ZNF320: variants seen among roughly 807,000 people sequenced by gnomAD.
ZNF320 encodes zinc finger protein 320, also known as zinc finger gene 320.
ZNF320 carries 2 observed loss-of-function variants against 6.8 expected under a neutral mutation model. That is an observed-to-expected ratio of 0.29 (90% CI 0.12 to 0.93). ZNF320 has a LOEUF of 0.93. ZNF320 is among the 40% of genes least tolerant of loss of function. The pLI is 0.55. For missense variants in ZNF320, 472 were observed against 611.0 expected (o/e 0.77, Z 2.40); for synonymous variants, 208 against 203.2 (o/e 1.02, Z -0.20).
At position 52,881,512 on chromosome 19, in the gene ZNF320, G is replaced by C. The variant is rs765655954; in HGVS notation, c.614C>G (p.Ala205Gly). 5 of 1,613,916 alleles carry C rather than the reference G, an allele frequency of 3.1e-6. No homozygotes were observed. The South Asian group carries it at 5.5e-5, about 18-fold the overall frequency. The change falls in exon 6 of 6, where the codon GCA (alanine) becomes GGA (glycine). Residue 205 changes from alanine to glycine, a missense_variant. Transcript: ENST00000682928. ...TCCCCTGTGAATTCTAGTATGTTTT[G>C]CCAGGTGTGAATCATGCTTAAAAGC... is the stretch of plus-strand genomic sequence containing the variant. ...DKAFKHDSHL[A>G]KHTRIHRGDK... is the part of the protein sequence containing the mutation.
At chr19:52,860,073 C>T (rs1410500144), downstream of ZNF320, among the ~76,000 whole-genome samples, 6 of 151,974 alleles carry the variant, frequency 3.9e-5, no homozygotes, top group Admixed American at 2.0e-4. Flanking sequence ...CCACCACGCC[C>T]GGCTAATTTT....
chr19:52,865,910 CACATATATTTATATATGAT>C (rs1169489798), intron 5 of ZNF320, among the ~76,000 whole-genome samples: 6 of 78,928 alleles, frequency 7.6e-5, no homozygotes, highest in Non-Finnish European at 1.3e-4. Context: ...TATGATTATA[CACATATATTTATATATGAT>C]TATACACATA....
At chr19:52,860,606 A>G (rs905112162), downstream of ZNF320, among the ~76,000 whole-genome samples, 1 of 149,356 alleles carries the variant, frequency 6.7e-6, no homozygotes, top group Non-Finnish European at 1.5e-5. Context: ...TCAAAAAAAA[A>G]AAAAGAAAAA....
upstream of ZNF320, among the ~76,000 whole-genome samples, chr19:52,900,122 CTCTG>C (rs1319387625): frequency 2.0e-5 from 3 of 152,136 alleles, no homozygotes; most frequent in Non-Finnish European, 2.9e-5. Flanking sequence ...TTAGCATGAG[CTCTG>C]TCTATGTATC....
At position 52,880,171 on chromosome 19, in the gene ZNF320, A is replaced by G. The variant is rs2063869919; in HGVS notation, c.*425T>C. On this transcript the variant is annotated 3_prime_UTR_variant, in exon 6 of 6. Coordinates refer to ENST00000682928, the MANE Select transcript of ZNF320 (RefSeq NM_001351774.2). The stretch of plus-strand genomic sequence containing the variant: ...AGACCATCCTAGCTAACACGGTGAA[A>G]CCCAGTCTCTACTAAAAATACAAAA... The G allele has an allele frequency of 1.3e-5, 2 of 155,494 alleles. No individual in the cohort carries two copies. The highest frequency in any genetic ancestry group is 6.3e-5 in the Admixed American group (1 of 15,772). 9.6% of individuals were successfully genotyped at this position (155,494 alleles called of 1,614,324 possible). A position where few individuals can be genotyped will look rare whatever the true frequency, so the allele number is the denominator to read the frequency against.
chr19:52,899,806 C>T (rs2064565766), upstream of ZNF320, among the ~76,000 whole-genome samples: 1 of 152,158 alleles, frequency 6.6e-6, no homozygotes, highest in Non-Finnish European at 1.5e-5. Flanking sequence ...CAAGAACAGT[C>T]AAGGCTTGAC....
downstream of ZNF320, among the ~76,000 whole-genome samples, chr19:52,859,567 G>A (rs1288050627): frequency 1.3e-5 from 2 of 152,150 alleles, no homozygotes; most frequent in African/African-American, 2.4e-5. Flanking sequence ...AAATGAAGGG[G>A]GCCCGTGTTC....
chr19:52,862,658 T>G (rs2063492483), exon 6 of ZNF320: 1 of 589,478 alleles, frequency 1.7e-6, no homozygotes, highest in Non-Finnish European at 2.9e-6. Flanking sequence ...TTTGCCACAC[T>G]CATTACACTT....
intron 5 of ZNF320, among the ~76,000 whole-genome samples, chr19:52,870,387 G>A (rs2063658123): frequency 1.3e-5 from 2 of 150,490 alleles, no homozygotes; most frequent in South Asian, 2.1e-4. Context: ...GCTGAGGCAG[G>A]AGAATGGTGT....
chr19:52,890,512 G>T, intron 3 of ZNF320, 184 bp from the exon 4 acceptor site: 1 of 496,732 alleles, frequency 2.0e-6, no homozygotes, highest in Non-Finnish European at 3.5e-6. Flanking sequence ...CCACACACAC[G>T]CTGCAGCAGT....
rs923172775 is a variant in ZNF320, at chr19:52,881,875, G to T, written c.251C>A (p.Ala84Glu). 4 of 1,613,696 alleles carry T rather than the reference G, an allele frequency of 2.5e-6. No homozygotes were observed. The highest frequency in any genetic ancestry group is 1.3e-5 in the African/African-American group (1 of 74,908). The change falls in exon 6 of 6, where the codon GCA becomes GAA. Residue 84 changes from alanine (A) to glutamate (E), a missense_variant. By Grantham distance (107) the Ala-to-Glu change is moderately radical. Transcript: ENST00000682928. ...TTTCTCAATTTCCTGGGAGCAAAAT[G>T]CTCCAATGTGATAACTTGCTTGTCT... ...LQRQASYHIG[A>E]FCSQEIEKDI...
rs1292157884 is a variant in ZNF320, at chr19:52,881,048, T to C, written c.1078A>G (p.Lys360Glu). The change falls in exon 6 of 6, where the codon AAG (lysine) becomes GAG (glutamate). Residue 360 changes from lysine to glutamate, a missense_variant. Physicochemically the swap from Lys to Glu is moderately conservative, Grantham distance 56. This residue lies in a region of ZNF320 where 462 missense variants were observed against 559.7 expected (regional missense o/e 0.83). Coordinates refer to ENST00000682928, the MANE Select transcript of ZNF320 (RefSeq NM_001351774.2). ...CTCCGGAAAGCCTTGTCACAAACCT[T>C]ACATTTGTATGGTTTCTCTCCAGTA... The part of the protein sequence containing the change: ...IHTGEKPYKC[K>E]VCDKAFRSDS... 6.2e-7 allele frequency: 1 copy of C among 1,613,802 alleles called. No individual in the cohort carries two copies. Among genetic ancestry groups the C allele is most frequent in the South Asian group, 1.1e-5 (1 of 91,026 alleles).
chr19:52,865,605 G>A (rs917658909), intron 5 of ZNF320, among the ~76,000 whole-genome samples: 1,779 of 115,262 alleles, frequency 0.015, 52 homozygotes, highest in Non-Finnish European at 0.023. Flanking sequence ...ATTTATATAT[G>A]AGATTATACA....
In ZNF320 at chr19:52,879,460, A is replaced by G. The variant is rs1053021135; in HGVS notation, c.*1136T>C. On this transcript the variant is annotated 3_prime_UTR_variant, in exon 6 of 6. Transcript: ENST00000682928. ...AGAGAAGGAAATTTACCTCAACAAT[A>G]CAAAGACCATCCATGAAATGACCAC... 1 of 165,776 alleles carries G rather than the reference A, an allele frequency of 6.0e-6. No homozygotes were observed. The highest frequency in any genetic ancestry group is 1.3e-5 in the Non-Finnish European group (1 of 76,818). 10.3% of individuals were successfully genotyped at this position (165,776 alleles called of 1,614,324 possible).
chr19:52,881,226 G>C lies in ZNF320; in HGVS notation c.900C>G (p.Pro300=). Reference sequence around the variant, plus strand: ...CCTTGCCACATTCATTACACTTATAGGGTTTCTCTGCAGTATGAACTGCCT... The same window carrying C: ...CCTTGCCACATTCATTACACTTATACGGTTTCTCTGCAGTATGAACTGCCT... The part of the protein sequence containing the change: ...IHKAVHTAEK[P]YKCNECGKVF... The change falls in exon 6 of 6, where the codon CCC becomes CCG. Residue 300 remains proline, a synonymous_variant. Coordinates refer to ENST00000682928, the MANE Select transcript of ZNF320 (RefSeq NM_001351774.2). 1 of 1,613,674 alleles carries C rather than the reference G, an allele frequency of 6.2e-7. No homozygotes were observed.
intron 4 of ZNF320, among the ~76,000 whole-genome samples, chr19:52,888,851 A>G (rs556694947): frequency 5.3e-4 from 80 of 152,154 alleles, no homozygotes; most frequent in African/African-American, 1.7e-3. Context: ...GTGTGTGGGG[A>G]TGTGTATGCA....
Position 52,881,592 on chromosome 19 carries a change from T to C in ZNF320, c.534A>G (p.Ile178Met). 6.2e-7 allele frequency: 1 copy of C among 1,614,026 alleles called. No homozygotes were observed. The highest frequency in any genetic ancestry group is 2.2e-5 in the East Asian group (1 of 44,862). The change falls in exon 6 of 6, where the codon ATA becomes ATG. Residue 178 changes from isoleucine to methionine, a missense_variant. Physicochemically the swap from Ile to Met is conservative, Grantham distance 10 (BLOSUM62 1). Around this residue, in one of 2 missense-constraint regions of ZNF320, gnomAD observed 462 missense variants for 559.7 expected, o/e 0.83. Coordinates refer to ENST00000682928, the MANE Select transcript of ZNF320 (RefSeq NM_001351774.2). ...KVFSCKSHLE[I>M]HRIIHTGEKP... is the part of the protein sequence containing the mutation. ...TCTCTCCAGTATGAATTATCCTATG[T>C]ATTTCAAGATGTGATTTGCAACTGA...
At position 52,888,124 on chromosome 19, in the gene ZNF320, C is replaced by T. The variant is rs1670662807; in HGVS notation, c.142+3G>A. 5 of 1,579,630 alleles carry T rather than the reference C, an allele frequency of 3.2e-6. No individual in the cohort carries two copies. The highest frequency in any genetic ancestry group is 4.3e-6 in the Non-Finnish European group (5 of 1,169,544). On this transcript the variant is annotated splice_donor_region_variant and intron_variant, in intron 5 of 5. Transcript: ENST00000682928. ...CCCACTTCTGGAGGGAAGTTATCCT[C>T]ACCCAGGGAGACCAGGTTCCTATAA...
intron 5 of ZNF320, among the ~76,000 whole-genome samples, chr19:52,867,723 T>C (rs1412338726): frequency 1.3e-5 from 2 of 152,144 alleles, no homozygotes; most frequent in African/African-American, 4.8e-5. Context: ...GTGATTCTCC[T>C]GTATCAGCCT....
Sources: allele counts gnomAD v4.1 joint callset (sites outside exome capture counted in the v4.1 genomes callset), GRCh38; gene constraint gnomAD v4.1.1; regional missense constraint gnomAD v4.1.1; transcripts MANE v1.5; gene names NCBI Gene and HGNC (gene_info 2026-07-23, HGNC 2026-07-21).